Variants in CCDC88A observed in about 807,000 individuals in gnomAD.
CCDC88A encodes girdin.
Under a neutral mutation model 234.3 loss-of-function variants are expected in CCDC88A, and 54 were observed. The observed-to-expected ratio is 0.23, with a 90% CI of 0.19 to 0.29. The LOEUF (loss-of-function observed/expected upper bound fraction) is 0.29. CCDC88A is among the 10% of genes least tolerant of loss of function. The probability of loss-of-function intolerance (pLI) is 1.00; values close to 1 mark genes in which losing one functional copy is unlikely to be tolerated. For missense variants in CCDC88A, 1,832 were observed against 2,123.4 expected (o/e 0.86, Z 2.70); for synonymous variants, 753 against 737.8 (o/e 1.02, Z -0.33).
rs2576700 is a variant in CCDC88A at position 55,305,083 on chromosome 2, A to G, written c.4388-1931T>C. Among the ~76,000 whole-genome samples the G allele has an allele frequency of 2.8e-3, 431 of 152,336 alleles. 2 individuals carry two copies. The highest frequency in any genetic ancestry group is 4.8e-3 in the Non-Finnish European group (327 of 68,024). On this transcript the variant is annotated intron_variant, in intron 25 of 32. Coordinates refer to ENST00000436346, the MANE Select transcript of CCDC88A (RefSeq NM_001365480.1). ...AAACACAGCTGTTTTCAATGATTAA[A>G]AAGAAATGAACTGAAAGCAATATAA... is the stretch of plus-strand genomic sequence containing the variant.
Position 55,393,289 on chromosome 2 carries a change from G to GGT in CCDC88A, c.165-4404_165-4403insAC, listed in dbSNP as rs1676959564. On this transcript the variant is annotated intron_variant, in intron 2 of 32. Coordinates refer to ENST00000436346, the MANE Select transcript of CCDC88A (RefSeq NM_001365480.1). ...TAGAGTTTTGATTTTGGTTTTTTGGGTTTTTTTTTTTTTTTTTTTTTTTGC... is the reference window on the plus strand; with the variant it reads ...TAGAGTTTTGATTTTGGTTTTTTGGGGTTTTTTTTTTTTTTTTTTTTTTTTGC... Among the ~76,000 whole-genome samples, 3 of 61,680 alleles carry GGT rather than the reference G, an allele frequency of 4.9e-5. No individual in the cohort carries two copies. The South Asian group carries it at 2.2e-3, about 44-fold the overall frequency. The allele number at this position is 61,680 out of a possible 152,430, so 40.5% of individuals were successfully genotyped here.
intron 3 of CCDC88A, among the ~76,000 whole-genome samples, chr2:55,387,807 A>G (rs1314559117): frequency 6.6e-6 from 1 of 151,174 alleles, no homozygotes; most frequent in Admixed American, 6.6e-5. Context: ...AAAGAAAAAG[A>G]AAAAAGAAAA....
chr2:55,306,635 G>T (rs983586576), intron 25 of CCDC88A, among the ~76,000 whole-genome samples: 1 of 152,060 alleles, frequency 6.6e-6, no homozygotes, highest in African/African-American at 2.4e-5. Context: ...ACCTAGGCTG[G>T]AGTGCAGTGG....
At chr2:55,374,771 CA>C (rs1299876084) in intron 4 of CCDC88A, 42 bp downstream of exon 4, 1 of 1,215,014 alleles carries the variant, frequency 8.2e-7, no homozygotes, top group East Asian at 2.3e-5. Context: ...TAGTATTACA[CA>C]AAGGTTAGAC....
chr2:55,345,299 T>G (rs1668963216), intron 10 of CCDC88A: 1 of 152,258 alleles, frequency 6.6e-6, no homozygotes. Context: ...TTCTTGATTT[T>G]GTATACTCCC....
Position 55,355,768 on chromosome 2 carries a change from A to G in CCDC88A, c.628-17T>C, listed in dbSNP as rs1670489779. 4 of 1,597,540 alleles carry G rather than the reference A, an allele frequency of 2.5e-6. No individual in the cohort carries two copies. The highest frequency in any genetic ancestry group is 3.4e-6 in the Non-Finnish European group (4 of 1,166,326). On this transcript the variant is annotated splice_polypyrimidine_tract_variant and intron_variant, in intron 7 of 32. Coordinates refer to ENST00000436346, the MANE Select transcript of CCDC88A (RefSeq NM_001365480.1). ...TATGATAGTCTAGAAATACACACAGAATCACTTTCAGTATTCTACATATTA... is the reference window on the plus strand; with the variant it reads ...TATGATAGTCTAGAAATACACACAGGATCACTTTCAGTATTCTACATATTA...
At chr2:55,356,388 C>T (rs539481481) in intron 7 of CCDC88A, 2 of 151,850 alleles carry the variant, frequency 1.3e-5, no homozygotes, top group African/African-American at 2.4e-5. Flanking sequence ...GTTTCTTTAT[C>T]CAATCTATCA....
At chr2:55,403,003 C>G (rs562176037) in intron 2 of CCDC88A, among the ~76,000 whole-genome samples, 2 of 151,054 alleles carry the variant, frequency 1.3e-5, no homozygotes, top group Admixed American at 1.3e-4. Context: ...AGCAAGACTC[C>G]GTCTAAAAAA....
chr2:55,311,306 C>T (rs1043768506), intron 23 of CCDC88A, among the ~76,000 whole-genome samples: 1 of 152,188 alleles, frequency 6.6e-6, no homozygotes, highest in Non-Finnish European at 1.5e-5. Flanking sequence ...TTTACATTTA[C>T]TTTGAAAGTT....
At chr2:55,347,637 C>A (rs1229520736) in intron 9 of CCDC88A, among the ~76,000 whole-genome samples, 3 of 48,636 alleles carry the variant, frequency 6.2e-5, no homozygotes, top group East Asian at 0.017. Flanking sequence ...GAGACAGAGT[C>A]TCACTCTGTC....
chr2:55,388,485 T>C, intron 3 of CCDC88A: 1 of 170,068 alleles, frequency 5.9e-6, no homozygotes, highest in East Asian at 1.6e-4. Context: ...AAGGCATAAT[T>C]CAAGAAGTCT....
At chr2:55,303,728 A>T (rs59554860) in intron 25 of CCDC88A, among the ~76,000 whole-genome samples, 12,761 of 152,218 alleles carry the variant, frequency 0.084, 1,367 homozygotes, top group African/African-American at 0.25. Flanking sequence ...GTCCTATAAA[A>T]ACAGGAACTG....
chr2:55,365,855 G>C (rs1330695646), intron 5 of CCDC88A, among the ~76,000 whole-genome samples: 1 of 152,138 alleles, frequency 6.6e-6, no homozygotes, highest in African/African-American at 2.4e-5. Flanking sequence ...TTCTATATGA[G>C]AGCTGCCCAA....
chr2:55,344,263 T>G (rs933723972), intron 11 of CCDC88A, 105 bp downstream of exon 11: 10 of 670,960 alleles, frequency 1.5e-5, no homozygotes, highest in Non-Finnish European at 1.9e-5. Context: ...TCTTCTCTGT[T>G]AAAGCCTCAA....
At chr2:55,414,680 TCA>T (rs1681050130) in intron 2 of CCDC88A, among the ~76,000 whole-genome samples, 1 of 151,830 alleles carries the variant, frequency 6.6e-6, no homozygotes, top group African/African-American at 2.4e-5. Context: ...CTCTTCACTT[TCA>T]GAGTCTGGGT....
At chr2:55,375,085 C>T (rs1004162915) in intron 3 of CCDC88A, among the ~76,000 whole-genome samples, 2 of 152,104 alleles carry the variant, frequency 1.3e-5, no homozygotes, top group African/African-American at 4.8e-5. Context: ...AGATAGACTT[C>T]AGTTAATAAT....
chr2:55,362,375 T>G lies in CCDC88A; in HGVS notation c.560A>C (p.Glu187Ala). 1.9e-6 allele frequency: 3 copies of G among 1,603,334 alleles called. No homozygotes were observed. Among genetic ancestry groups the G allele is most frequent in the Non-Finnish European group, 2.6e-6 (3 of 1,175,496 alleles). ...EVTDMSQEDI[E>A]PLLKNMALHL... ...CAATGCCATATTTTTCAAGAGTGGT[T>G]CTATGTCCTCCTGCGACATATCAGT... Residue 187 changes from glutamate (E) to alanine (A), a missense_variant, in exon 7 of 33, where the codon GAA (glutamate) becomes GCA (alanine). Coordinates refer to ENST00000436346, the MANE Select transcript of CCDC88A (RefSeq NM_001365480.1).
At position 55,343,780 on chromosome 2, in the gene CCDC88A, C is replaced by G. The variant is rs1437388203; in HGVS notation, c.1201G>C (p.Asp401His). ...LHDMEMERDM[D>H]RKKIEELMEE... is the part of the protein sequence containing the mutation. ...ATTAATTCTTCAATCTTTTTTCTAT[C>G]CATATCTCGTTCCTTTTTTATTGGC... The change falls in exon 12 of 33, where the codon GAT becomes CAT. Residue 401 changes from aspartate (D) to histidine (H), a missense_variant. Around this residue, in one of 6 missense-constraint regions of CCDC88A, gnomAD observed 1,282 missense variants for 1,543.6 expected, o/e 0.83. Coordinates refer to ENST00000436346, the MANE Select transcript of CCDC88A (RefSeq NM_001365480.1). 12 of 1,608,006 alleles carry G rather than the reference C, an allele frequency of 7.5e-6. No homozygotes were observed. The Admixed American group carries it at 1.9e-4, about 25-fold the overall frequency.
chr2:55,336,107 T>C (rs918393104), intron 14 of CCDC88A, among the ~76,000 whole-genome samples: 1 of 152,072 alleles, frequency 6.6e-6, no homozygotes, highest in African/African-American at 2.4e-5. Flanking sequence ...GGTGAAAGGA[T>C]TGCTTGAGCC....
Sources: gnomAD v4.1 joint callset for allele counts (sites outside exome capture counted in the v4.1 genomes callset) on GRCh38, gnomAD v4.1.1 for gene constraint, gnomAD v4.1.1 regional missense constraint, MANE v1.5 for transcripts, NCBI Gene and HGNC (gene_info 2026-07-23, HGNC 2026-07-21) for gene names.